Variants in SNTG1 observed in about 807,000 individuals in gnomAD.
SNTG1 encodes syntrophin gamma 1.
SNTG1 carries 39 observed loss-of-function variants against 74.7 expected under a neutral mutation model. The observed-to-expected ratio is 0.52, with a 90% CI of 0.40 to 0.68. The LOEUF is 0.68. Ranked by LOEUF, SNTG1 falls within the 30% of genes least tolerant of loss-of-function variation. The pLI, the probability that SNTG1 is intolerant of heterozygous loss-of-function variation, is 0.00. For synonymous variants in SNTG1, 254 were observed against 217.1 expected (o/e 1.17, Z -1.49); for missense variants, 685 against 609.5 (o/e 1.12, Z -1.30).
At chr8:50,021,346 G>T (rs1457605618) in intron 1 of SNTG1, among the ~76,000 whole-genome samples, 1 of 152,114 alleles carries the variant, frequency 6.6e-6, no homozygotes, top group Non-Finnish European at 1.5e-5. Context: ...TGTTGTCACA[G>T]CTGGTACAGA....
chr8:49,937,573 A>C (rs746602260), intron 1 of SNTG1, among the ~76,000 whole-genome samples: 7 of 152,128 alleles, frequency 4.6e-5, no homozygotes, highest in Non-Finnish European at 2.9e-5. Flanking sequence ...ACTGATGGAG[A>C]TCTAACTATG....
chr8:50,219,014 C>A (rs1295911503), intron 2 of SNTG1, among the ~76,000 whole-genome samples: 1 of 152,146 alleles, frequency 6.6e-6, no homozygotes, highest in East Asian at 1.9e-4. Context: ...GTATGGGAAT[C>A]TCCCACAGAA....
chr8:50,193,738 T>C (rs924480716), intron 2 of SNTG1, among the ~76,000 whole-genome samples: 1 of 152,136 alleles, frequency 6.6e-6, no homozygotes, highest in Admixed American at 6.6e-5. Flanking sequence ...AGTGCATCCT[T>C]GTTTTGTTCC....
chr8:50,391,692 A>T (rs2131297206), intron 2 of SNTG1, among the ~76,000 whole-genome samples: 1 of 152,252 alleles, frequency 6.6e-6, no homozygotes, highest in East Asian at 1.9e-4. Flanking sequence ...CTGTGAATCC[A>T]TCTGCTCCTG....
At chr8:50,103,664 T>C (rs1156573831) in intron 1 of SNTG1, among the ~76,000 whole-genome samples, 1 of 152,200 alleles carries the variant, frequency 6.6e-6, no homozygotes, top group East Asian at 1.9e-4. Flanking sequence ...TGCTTCCAGT[T>C]TTTCCCCATT....
rs1304369473 is a variant in SNTG1 at position 50,476,488 on chromosome 8, G to A, written c.363+25759G>A. 2.0e-5 allele frequency among the ~76,000 whole-genome samples: 3 copies of A among 152,220 alleles called. No individual in the cohort carries two copies. The East Asian group carries it at 5.8e-4, about 29-fold the overall frequency. ...TTGAACTATTAAAACATACTGGATG[G>A]CAGAGCTAAGTTTCTCACTGTTGGA... On this transcript the variant is annotated intron_variant, in intron 8 of 18. Coordinates refer to ENST00000642720, the MANE Select transcript of SNTG1 (RefSeq NM_018967.5).
At chr8:50,168,199 G>A (rs1378831555) in intron 1 of SNTG1, among the ~76,000 whole-genome samples, 2 of 151,922 alleles carry the variant, frequency 1.3e-5, no homozygotes, top group African/African-American at 4.8e-5. Context: ...TCTTTAGGAA[G>A]GACCATATTT....
chr8:50,118,061 A>G (rs944031050), intron 1 of SNTG1, among the ~76,000 whole-genome samples: 3 of 152,118 alleles, frequency 2.0e-5, no homozygotes, highest in Non-Finnish European at 2.9e-5. Context: ...TTGCTTCTCT[A>G]TTTTCCAAAT....
intron 15 of SNTG1, among the ~76,000 whole-genome samples, chr8:50,669,391 C>G (rs1265160240): frequency 6.6e-6 from 1 of 151,990 alleles, no homozygotes; most frequent in African/African-American, 2.4e-5. Context: ...TACAAACTAC[C>G]ATCAGAGAAT....
At chr8:50,371,811 C>T (rs2092275906) in intron 2 of SNTG1, among the ~76,000 whole-genome samples, 1 of 152,106 alleles carries the variant, frequency 6.6e-6, no homozygotes, top group African/African-American at 2.4e-5. Context: ...TGTCTTCTGA[C>T]CATTTTTAAC....
intron 1 of SNTG1, among the ~76,000 whole-genome samples, chr8:49,983,392 CA>C (rs1295808287): frequency 6.6e-6 from 1 of 152,116 alleles, no homozygotes; most frequent in African/African-American, 2.4e-5. Flanking sequence ...GTGTATATAT[CA>C]TTTATACTGC....
intron 2 of SNTG1, among the ~76,000 whole-genome samples, chr8:50,356,763 C>T (rs1051623279): frequency 1.3e-5 from 2 of 152,138 alleles, no homozygotes; most frequent in Non-Finnish European, 2.9e-5. Context: ...ATGGGCCATT[C>T]AGTTTCAACA....
intron 2 of SNTG1, among the ~76,000 whole-genome samples, chr8:50,323,684 G>A (rs929566869): frequency 9.2e-5 from 14 of 152,148 alleles, no homozygotes; most frequent in Non-Finnish European, 1.8e-4. Context: ...AACTAGGGAT[G>A]TGGTGATGCA....
intron 18 of SNTG1, among the ~76,000 whole-genome samples, chr8:50,774,089 A>G (rs1004442513): frequency 3.3e-5 from 5 of 152,036 alleles, no homozygotes; most frequent in Non-Finnish European, 7.4e-5. Context: ...GGAATAACAA[A>G]AATATAAATG....
intron 13 of SNTG1, among the ~76,000 whole-genome samples, chr8:50,605,744 A>G (rs896335463): frequency 1.3e-5 from 2 of 152,066 alleles, no homozygotes; most frequent in African/African-American, 4.8e-5. Flanking sequence ...CAATCGTGCT[A>G]TTTGATGTGT....
At chr8:49,929,582 C>T (rs138584385) in intron 1 of SNTG1, among the ~76,000 whole-genome samples, 2 of 152,316 alleles carry the variant, frequency 1.3e-5, no homozygotes, top group Non-Finnish European at 2.9e-5. Context: ...GGGGGCTGCC[C>T]CCCTCCCATC....
intron 2 of SNTG1, among the ~76,000 whole-genome samples, chr8:50,310,396 A>C (rs769318668): frequency 6.6e-6 from 1 of 152,224 alleles, no homozygotes; most frequent in African/African-American, 2.4e-5. Context: ...TTTATTTAAT[A>C]TAAGTATCCT....
At chr8:50,245,458 G>T (rs761077842) in intron 2 of SNTG1, among the ~76,000 whole-genome samples, 2 of 152,050 alleles carry the variant, frequency 1.3e-5, no homozygotes, top group Non-Finnish European at 2.9e-5. Context: ...TGAGGCGTGC[G>T]GATCACCTGA....
At chr8:50,709,239 A>T (rs183077043) in intron 17 of SNTG1, 104 of 407,846 alleles carry the variant, frequency 2.5e-4, no homozygotes, top group African/African-American at 1.9e-3. Flanking sequence ...CTATCTATCA[A>T]TCATTTCCCT....
Sources: allele counts gnomAD v4.1 joint callset (sites outside exome capture counted in the v4.1 genomes callset), GRCh38; gene constraint gnomAD v4.1.1; transcripts MANE v1.5; gene names NCBI Gene and HGNC (gene_info 2026-07-23, HGNC 2026-07-21).